ADCY3: variants seen among roughly 807,000 people sequenced by gnomAD.
The protein encoded by ADCY3 is adenylate cyclase 3.
Under a neutral mutation model 119.4 loss-of-function variants are expected in ADCY3, and 70 were observed. That is an observed-to-expected ratio of 0.59 (90% CI 0.48 to 0.72). ADCY3 has a LOEUF of 0.72. Ranked by LOEUF, ADCY3 falls within the 30% of genes least tolerant of loss-of-function variation. ADCY3 has a pLI of 0.00. For synonymous variants in ADCY3, 672 were observed against 621.4 expected (o/e 1.08, Z -1.21); for missense variants, 1,238 against 1,541.6 (o/e 0.80, Z 3.30).
chr2:24,907,478 G>C (rs1013250252), intron 2 of ADCY3, among the ~76,000 whole-genome samples: 1 of 152,142 alleles, frequency 6.6e-6, no homozygotes, highest in African/African-American at 2.4e-5. Context: ...GTGGAGGAGA[G>C]GAAGGGGAAA....
At chr2:24,902,881 A>G (rs1679065690) in intron 2 of ADCY3, among the ~76,000 whole-genome samples, 1 of 152,074 alleles carries the variant, frequency 6.6e-6, no homozygotes. Context: ...AACACAAAAA[A>G]TTAGCCGAGT....
chr2:24,842,239 C>G lies in ADCY3; in HGVS notation c.956+15G>C. The G allele has an allele frequency of 6.2e-7, 1 of 1,613,904 alleles. No individual in the cohort carries two copies. Among genetic ancestry groups the G allele is most frequent in the Non-Finnish European group, 8.5e-7 (1 of 1,179,962 alleles). On this transcript the variant is annotated intron_variant, in intron 4 of 21. Coordinates refer to ENST00000679454, the MANE Select transcript of ADCY3 (RefSeq NM_004036.5). This position sits in a 1 kb window ranked among gnomAD's most constrained non-coding sequence, Gnocchi z 4.9. ...CCTGCTCTGCCATCAGAGCCCGCGC[C>G]CCGGGCCGGCGTACCTGACGTTCTC...
At chr2:24,877,413 C>T (rs972880869) in intron 2 of ADCY3, among the ~76,000 whole-genome samples, 2 of 152,176 alleles carry the variant, frequency 1.3e-5, no homozygotes, top group Non-Finnish European at 2.9e-5. Context: ...CAGTGAGCAT[C>T]CCCTACCTAC....
At chr2:24,916,394 C>A (rs1664454147) in intron 2 of ADCY3, among the ~76,000 whole-genome samples, 1 of 152,142 alleles carries the variant, frequency 6.6e-6, no homozygotes, top group African/African-American at 2.4e-5. Flanking sequence ...GACCTTAGAA[C>A]CTGGGATGCC....
chr2:24,853,002 G>T (rs892373985), intron 3 of ADCY3, among the ~76,000 whole-genome samples: 1 of 109,120 alleles, frequency 9.2e-6, no homozygotes, highest in Non-Finnish European at 1.7e-5. Context: ...GGAACAGCTG[G>T]AGGGTGTGTG....
intron 2 of ADCY3, among the ~76,000 whole-genome samples, chr2:24,910,423 T>C (rs946280949): frequency 6.6e-6 from 1 of 152,104 alleles, no homozygotes; most frequent in Non-Finnish European, 1.5e-5. Flanking sequence ...ACTGTTACTC[T>C]TTTAAGCCTC....
intron 2 of ADCY3, among the ~76,000 whole-genome samples, chr2:24,893,697 A>AGGCTCGCTCAAATGATCCTCC (rs1483996362): frequency 2.0e-5 from 3 of 151,592 alleles, no homozygotes; most frequent in Non-Finnish European, 4.4e-5. Context: ...TCGACCTCTC[A>AGGCTCGCTCAAATGATCCTCC]GGCTCGCTCA....
chr2:24,836,252 T>G (rs937633587), intron 9 of ADCY3, among the ~76,000 whole-genome samples: 15 of 152,334 alleles, frequency 9.8e-5, no homozygotes, highest in African/African-American at 3.6e-4. Flanking sequence ...GTTGGGGGAC[T>G]CAAGAAAAAC....
At chr2:24,850,259 C>T (rs1672136800) in intron 3 of ADCY3, among the ~76,000 whole-genome samples, 1 of 152,176 alleles carries the variant, frequency 6.6e-6, no homozygotes, top group Non-Finnish European at 1.5e-5. Context: ...TAAACCCTTT[C>T]CTGGATCCTG....
intron 3 of ADCY3, among the ~76,000 whole-genome samples, chr2:24,861,247 T>A (rs866151035): frequency 2.9e-5 from 1 of 34,568 alleles, no homozygotes; most frequent in Non-Finnish European, 4.9e-5. Context: ...TGAGACTCCA[T>A]CTCAAAAAAA....
chr2:24,834,340 T>C lies in ADCY3; in HGVS notation c.1967+145A>G. ...GGTGCCGTCTAGCACTCCTGGGGCC[T>C]GTGGGGGCCGTCCCAGTGGGGGTCA... On this transcript the variant is annotated intron_variant, in intron 11 of 21. Coordinates refer to ENST00000679454, the MANE Select transcript of ADCY3 (RefSeq NM_004036.5). This position sits in a 1 kb window ranked among gnomAD's most constrained non-coding sequence, Gnocchi z 4.2. 2 of 1,016,870 alleles carry C rather than the reference T, an allele frequency of 2.0e-6. No homozygotes were observed. The highest frequency in any genetic ancestry group is 2.8e-6 in the Non-Finnish European group (2 of 713,326). 63.0% of individuals were successfully genotyped at this position (1,016,870 alleles called of 1,614,324 possible). A position where few individuals can be genotyped will look rare whatever the true frequency, so the allele number is the denominator to read the frequency against.
chr2:24,889,109 G>A (rs900866935), intron 2 of ADCY3, among the ~76,000 whole-genome samples: 13 of 152,344 alleles, frequency 8.5e-5, no homozygotes, highest in African/African-American at 2.9e-4. Context: ...CTTATAATGC[G>A]TGAGGAAGGA....
At chr2:24,847,776 G>A (rs1344840) in intron 3 of ADCY3, among the ~76,000 whole-genome samples, 29,577 of 152,202 alleles carry the variant, frequency 0.19, 3,393 homozygotes, top group Middle Eastern at 0.29. Context: ...AGCCAGAGAT[G>A]GGGCCCCACC....
intron 3 of ADCY3, among the ~76,000 whole-genome samples, chr2:24,869,137 T>G (rs1163877838): frequency 2.0e-5 from 3 of 151,668 alleles, no homozygotes; most frequent in Non-Finnish European, 2.9e-5. Flanking sequence ...TTAAGAAAAA[T>G]TTTAAAAAGG....
intron 2 of ADCY3, among the ~76,000 whole-genome samples, chr2:24,917,169 G>A (rs537002217): frequency 1.3e-5 from 2 of 152,306 alleles, no homozygotes; most frequent in African/African-American, 4.8e-5. Context: ...TGGTCTCCAG[G>A]ACCCAGGCAC....
intron 2 of ADCY3, among the ~76,000 whole-genome samples, chr2:24,902,866 C>A (rs557622329): frequency 2.5e-4 from 38 of 152,230 alleles, no homozygotes; most frequent in African/African-American, 8.4e-4. Context: ...CCCGTCTCTA[C>A]TAAAAACACA....
chr2:24,825,375 C>T (rs1360261849), intron 16 of ADCY3, among the ~76,000 whole-genome samples: 2 of 136,864 alleles, frequency 1.5e-5, no homozygotes, highest in Non-Finnish European at 3.1e-5. Context: ...CACTTTGTCA[C>T]CCAGGCTGGA....
chr2:24,833,257 G>A (rs183709639), intron 11 of ADCY3, among the ~76,000 whole-genome samples: 1 of 152,220 alleles, frequency 6.6e-6, no homozygotes, highest in Non-Finnish European at 1.5e-5. Flanking sequence ...GCGTGTAGGA[G>A]GCCCCACGTC....
chr2:24,891,999 T>C (rs1051453018), intron 2 of ADCY3, among the ~76,000 whole-genome samples: 1 of 152,252 alleles, frequency 6.6e-6, no homozygotes, highest in South Asian at 2.1e-4. Flanking sequence ...GGGGAACTAC[T>C]GTATAAGCAT....
Sources: allele counts gnomAD v4.1 joint callset (sites outside exome capture counted in the v4.1 genomes callset), GRCh38; gene constraint gnomAD v4.1.1; non-coding constraint Gnocchi (gnomAD v3.1); transcripts MANE v1.5; gene names NCBI Gene and HGNC (gene_info 2026-07-23, HGNC 2026-07-21).